SLC35F4: variants seen among roughly 807,000 people sequenced by gnomAD.
SLC35F4 encodes solute carrier family 35 member F4.
In SLC35F4, 24 loss-of-function variants were observed where a neutral mutation model predicts 44.2. The ratio of observed to expected loss-of-function variants is 0.54; its 90% CI spans 0.39 to 0.76. The LOEUF (loss-of-function observed/expected upper bound fraction) is 0.76, where lower values mean the gene tolerates loss of function less well. Among genes scored for constraint, SLC35F4 ranks in the 30% least tolerant of loss-of-function variants. SLC35F4 has a pLI of 0.00. For missense variants in SLC35F4, 562 were observed against 586.1 expected, an observed-to-expected ratio of 0.96 and a Z score of 0.42; for synonymous variants, 238 against 223.6, an observed-to-expected ratio of 1.06 and a Z score of -0.57.
chr14:57,721,867 G>A (rs1443304164), intron 1 of SLC35F4, among the ~76,000 whole-genome samples: 5 of 152,102 alleles, frequency 3.3e-5, no homozygotes, highest in Admixed American at 3.3e-4. Flanking sequence ...TAAACCCTGT[G>A]TCTCCTGAGG....
At chr14:57,618,357 G>T (rs1397670722) in intron 1 of SLC35F4, among the ~76,000 whole-genome samples, 2 of 152,180 alleles carry the variant, frequency 1.3e-5, no homozygotes, top group African/African-American at 2.4e-5. Flanking sequence ...CCCTGGGACT[G>T]GTTAGACAGT....
At chr14:57,608,239 A>AGTT (rs978695177) in intron 1 of SLC35F4, among the ~76,000 whole-genome samples, 5 of 152,194 alleles carry the variant, frequency 3.3e-5, no homozygotes, top group Non-Finnish European at 7.3e-5. Context: ...CACATATTGA[A>AGTT]GTTCTAACCC....
At chr14:57,682,742 C>T (rs1178770574) in intron 1 of SLC35F4, among the ~76,000 whole-genome samples, 2 of 152,072 alleles carry the variant, frequency 1.3e-5, no homozygotes, top group Non-Finnish European at 2.9e-5. Context: ...ATTTAACTGG[C>T]CAGACTGTAT....
At chr14:57,669,046 A>G (rs1394916833) in intron 1 of SLC35F4, among the ~76,000 whole-genome samples, 4 of 152,016 alleles carry the variant, frequency 2.6e-5, no homozygotes. Context: ...GGGCCTTTAC[A>G]TCCCCTGTAA....
At chr14:57,655,214 T>A (rs1475728584) in intron 1 of SLC35F4, among the ~76,000 whole-genome samples, 1 of 152,066 alleles carries the variant, frequency 6.6e-6, no homozygotes, top group Non-Finnish European at 1.5e-5. Context: ...TTAAAAAAAA[T>A]ACAAAGTGAA....
intron 1 of SLC35F4, among the ~76,000 whole-genome samples, chr14:57,874,461 A>G (rs1458760487): frequency 6.6e-6 from 1 of 152,238 alleles, no homozygotes; most frequent in African/African-American, 2.4e-5. Flanking sequence ...TTCTCAAAGT[A>G]CGAGCAAGGC....
At chr14:57,921,517 A>G (rs1889443780) in intron 1 of SLC35F4, among the ~76,000 whole-genome samples, 1 of 152,242 alleles carries the variant, frequency 6.6e-6, no homozygotes, top group Admixed American at 6.5e-5. Flanking sequence ...TATGGTTGCC[A>G]TGGCAAGGAA....
At chr14:57,781,966 G>C (rs2077631934) in intron 1 of SLC35F4, among the ~76,000 whole-genome samples, 1 of 152,106 alleles carries the variant, frequency 6.6e-6, no homozygotes, top group African/African-American at 2.4e-5. Flanking sequence ...TTGGTTACTA[G>C]GTTTAATACC....
chr14:57,936,561 G>A (rs149365055), intron 1 of SLC35F4, among the ~76,000 whole-genome samples: 107 of 152,310 alleles, frequency 7.0e-4, no homozygotes, highest in African/African-American at 2.5e-3. Context: ...TTTGGTTGTC[G>A]CAGCCAGGAG....
At position 57,582,203 on chromosome 14, in the gene SLC35F4, ATT is replaced by A. The variant is rs80342073; in HGVS notation, c.588-772_588-771del. Among the ~76,000 whole-genome samples the A allele has an allele frequency of 1.0e-3, 151 of 150,410 alleles. 1 individual carries two copies. The highest frequency in any genetic ancestry group is 3.3e-3 in the African/African-American group (136 of 41,026). ...CCTTTAAGTCCTAGGCCTAAACATG[ATT>A]TTTTTTTTCCCCCTAGGTCTGGCTC... On this transcript the variant is annotated intron_variant, in intron 3 of 7. Transcript: ENST00000556826.
In SLC35F4 at chr14:57,716,382, T is replaced by C. The variant is rs7156928; in HGVS notation, c.104-122258A>G. On this transcript the variant is annotated intron_variant, in intron 1 of 7. Coordinates refer to ENST00000556826, the MANE Select transcript of SLC35F4 (RefSeq NM_001306087.2). ...CAATTTTTTGAATTGCAGACACATG[T>C]GAAAAATCAGACCTTGGCGATGACC... is the stretch of plus-strand genomic sequence containing the variant. 5.7e-3 allele frequency among the ~76,000 whole-genome samples: 861 copies of C among 152,202 alleles called. 7 individuals are homozygous for C. The highest frequency in any genetic ancestry group is 0.02 in the African/African-American group (820 of 41,498).
chr14:57,610,640 A>C (rs1317581556), intron 1 of SLC35F4, among the ~76,000 whole-genome samples: 2 of 152,278 alleles, frequency 1.3e-5, no homozygotes, highest in South Asian at 2.1e-4. Flanking sequence ...ATGTTGTAGG[A>C]GCATGGAAGA....
chr14:57,888,102 T>A (rs1274188644), intron 1 of SLC35F4, among the ~76,000 whole-genome samples: 1 of 152,164 alleles, frequency 6.6e-6, no homozygotes, highest in Admixed American at 6.6e-5. Context: ...TTAACTCCAC[T>A]GTAGACAGTA....
intron 1 of SLC35F4, among the ~76,000 whole-genome samples, chr14:57,801,420 G>GCA (rs2078191103): frequency 1.3e-5 from 2 of 152,130 alleles, no homozygotes; most frequent in Non-Finnish European, 2.9e-5. Context: ...ATACACTGAA[G>GCA]CACACAGACC....
chr14:57,642,023 A>G (rs2073266421), intron 1 of SLC35F4, among the ~76,000 whole-genome samples: 1 of 152,050 alleles, frequency 6.6e-6, no homozygotes, highest in African/African-American at 2.4e-5. Context: ...TAACACAAAT[A>G]CATACTCTTA....
At position 57,688,455 on chromosome 14, in the gene SLC35F4, A is replaced by G. The variant is rs528531184; in HGVS notation, c.104-94331T>C. Among the ~76,000 whole-genome samples the G allele has an allele frequency of 6.0e-4, 91 of 152,340 alleles. 1 individual carries two copies. The highest frequency in any genetic ancestry group is 4.1e-3 in the Admixed American group (63 of 15,296). On this transcript the variant is annotated intron_variant, in intron 1 of 7. Transcript: ENST00000556826. ...AAGACAGCTTTATAAATTACAGGGT[A>G]CGATGGATTATTTTGATGAGATTAT...
At chr14:57,683,924 G>A (rs1475350703) in intron 1 of SLC35F4, among the ~76,000 whole-genome samples, 1 of 152,072 alleles carries the variant, frequency 6.6e-6, no homozygotes, top group East Asian at 1.9e-4. Context: ...GTGGCCATCT[G>A]ATGGTGGGAG....
intron 1 of SLC35F4, among the ~76,000 whole-genome samples, chr14:57,758,140 AAT>A (rs1249347339): frequency 1.3e-5 from 2 of 151,764 alleles, no homozygotes; most frequent in Non-Finnish European, 2.9e-5. Context: ...CTCTGTAAAT[AAT>A]ATGTTTTTTT....
intron 1 of SLC35F4, among the ~76,000 whole-genome samples, chr14:57,738,803 CAT>C (rs2076531948): frequency 1.1e-5 from 1 of 89,906 alleles, no homozygotes; most frequent in African/African-American, 3.9e-5. Context: ...CATATGTATA[CAT>C]GTATATATAT....
Sources: gnomAD v4.1 joint callset for allele counts (sites outside exome capture counted in the v4.1 genomes callset) on GRCh38, gnomAD v4.1.1 for gene constraint, MANE v1.5 for transcripts, NCBI Gene and HGNC (gene_info 2026-07-23, HGNC 2026-07-21) for gene names.